The following ARID1B variants were observed in gnomAD, a reference collection of about 807,000 sequenced individuals.
ARID1B encodes AT-rich interaction domain 1B.
ARID1B carries 30 observed loss-of-function variants against 212.3 expected under a neutral mutation model. The ratio of observed to expected loss-of-function variants is 0.14; its 90% confidence interval spans 0.11 to 0.19. The LOEUF is 0.19. Among genes scored for constraint, ARID1B ranks in the 10% least tolerant of loss-of-function variants. The pLI is 1.00. For synonymous variants in ARID1B, 1,402 were observed against 1,301.7 expected, an observed-to-expected ratio of 1.08 and a Z score of -1.66; for missense variants, 2,891 against 3,204.0, an observed-to-expected ratio of 0.90 and a Z score of 2.36.
At chr6:157,090,496 A>T (rs549295924) in intron 5 of ARID1B, among the ~76,000 whole-genome samples, 1 of 152,308 alleles carries the variant, frequency 6.6e-6, no homozygotes, top group African/African-American at 2.4e-5. Flanking sequence ...TTAGGGTCAA[A>T]AACACAAAAT....
At position 157,190,236 on chromosome 6, in the gene ARID1B, G is replaced by C. The variant is rs777668443; in HGVS notation, c.4231+26G>C. The stretch of plus-strand genomic sequence containing the variant: ...GTACGTGTAGAGGGGCCTCCACCCG[G>C]CCATGGACCAGTGGGCATTCTACTC... On this transcript the variant is annotated intron_variant, in intron 15 of 19. Transcript: ENST00000636930. The surrounding 1 kb of genome is among the most constrained non-coding windows in gnomAD (Gnocchi z 4.6). The C allele has an allele frequency of 1.9e-6, 3 of 1,589,030 alleles. No homozygotes were observed. The highest frequency in any genetic ancestry group is 2.6e-6 in the Non-Finnish European group (3 of 1,171,456).
At chr6:156,806,345 A>G (rs1485480463) in intron 1 of ARID1B, among the ~76,000 whole-genome samples, 1 of 152,226 alleles carries the variant, frequency 6.6e-6, no homozygotes, top group Non-Finnish European at 1.5e-5. Context: ...GAGTTGAAGA[A>G]CAGGTTCTAC....
rs989172441 is a variant in ARID1B, at chr6:156,869,250, T to C, written c.1987-32126T>C. On this transcript the variant is annotated intron_variant, in intron 2 of 19. Coordinates refer to ENST00000636930, the MANE Select transcript of ARID1B (RefSeq NM_001374828.1). ...TAGCTGTTTTTTCTAATGACACTTC[T>C]TTCGAAGACGAGATTAACAAATTTT... is the stretch of plus-strand genomic sequence containing the variant. Among the ~76,000 whole-genome samples the C allele has an allele frequency of 2.0e-5, 3 of 152,254 alleles. No homozygotes were observed. In the East Asian group the frequency reaches 5.8e-4, roughly 29 times the overall value.
intron 6 of ARID1B, among the ~76,000 whole-genome samples, chr6:157,126,529 C>T (rs1438795964): frequency 6.6e-6 from 1 of 152,146 alleles, no homozygotes; most frequent in African/African-American, 2.4e-5. Flanking sequence ...AGTTCGGTGA[C>T]TGTATGAGCA....
chr6:157,081,885 A>G (rs1784649559), intron 4 of ARID1B, among the ~76,000 whole-genome samples: 1 of 152,210 alleles, frequency 6.6e-6, no homozygotes, highest in Non-Finnish European at 1.5e-5. Flanking sequence ...TCTACGTTTA[A>G]CTTCATATAT....
At chr6:157,009,169 G>C (rs1171671390) in intron 4 of ARID1B, among the ~76,000 whole-genome samples, 1 of 151,746 alleles carries the variant, frequency 6.6e-6, no homozygotes, top group Non-Finnish European at 1.5e-5. Context: ...AGTGCTCACA[G>C]TCATTTGTAG....
In ARID1B at chr6:156,777,998, G is replaced by A. The variant is rs533182720; in HGVS notation, c.318G>A (p.Ala106=). 628 of 1,531,480 alleles carry A rather than the reference G, an allele frequency of 4.1e-4. 2 individuals are homozygous for A. In the African/African-American group the frequency reaches 7.1e-3, roughly 17 times the overall value. 94.9% of individuals were successfully genotyped at this position (1,531,480 alleles called of 1,614,324 possible). ...THSAKSGGSE[A]ALKEGGSAAA... is the part of the protein sequence containing the mutation. Reference sequence around the variant, plus strand: ...GCGCCAAGAGCGGCGGCTCCGAGGCGGCTCTCAAGGAGGGTGGAAGCGCCG... The same window carrying A: ...GCGCCAAGAGCGGCGGCTCCGAGGCAGCTCTCAAGGAGGGTGGAAGCGCCG... Residue 106 remains alanine (A), a synonymous_variant, in exon 1 of 20, where the codon GCG becomes GCA. Transcript: ENST00000636930.
chr6:156,890,288 A>T (rs1355418405), intron 2 of ARID1B, among the ~76,000 whole-genome samples: 2 of 152,246 alleles, frequency 1.3e-5, no homozygotes, highest in African/African-American at 4.8e-5. Context: ...GCAATTAATA[A>T]TTGTAAAGAA....
chr6:156,976,875 A>T, intron 4 of ARID1B: 1 of 577,772 alleles, frequency 1.7e-6, no homozygotes, highest in Non-Finnish European at 3.3e-6. Flanking sequence ...TGTGAACCTC[A>T]CAGGCGGGCT....
intron 3 of ARID1B, among the ~76,000 whole-genome samples, chr6:156,903,274 G>T (rs535118758): frequency 7.4e-4 from 113 of 152,102 alleles, no homozygotes; most frequent in African/African-American, 2.7e-3. Flanking sequence ...TCTATCTTAT[G>T]CTTTGATTAT....
At chr6:156,969,348 A>G (rs763688376) in intron 4 of ARID1B, among the ~76,000 whole-genome samples, 1 of 152,174 alleles carries the variant, frequency 6.6e-6, no homozygotes, top group Non-Finnish European at 1.5e-5. Flanking sequence ...TTTCAGCCCC[A>G]GGATCGGTGG....
intron 8 of ARID1B, among the ~76,000 whole-genome samples, chr6:157,161,140 A>C (rs1240976835): frequency 2.0e-5 from 3 of 152,172 alleles, no homozygotes; most frequent in Non-Finnish European, 4.4e-5. Context: ...TGTCTCCCTG[A>C]GCAAAAGGGG....
chr6:157,018,234 T>G (rs1357518529), intron 4 of ARID1B, among the ~76,000 whole-genome samples: 3 of 145,968 alleles, frequency 2.1e-5, no homozygotes, highest in Admixed American at 6.8e-5. Flanking sequence ...TTTTTTTTTT[T>G]GAGATACAGT....
At chr6:156,906,387 A>T (rs578131448) in intron 3 of ARID1B, among the ~76,000 whole-genome samples, 97 of 151,730 alleles carry the variant, frequency 6.4e-4, no homozygotes, top group African/African-American at 2.2e-3. Context: ...GTCTCTACTA[A>T]AAATACAAAA....
intron 3 of ARID1B, among the ~76,000 whole-genome samples, chr6:156,920,570 G>A (rs1790700553): frequency 6.6e-6 from 1 of 152,072 alleles, no homozygotes; most frequent in Non-Finnish European, 1.5e-5. Context: ...GTATTCCAGA[G>A]GAAGATTATC....
intron 1 of ARID1B, among the ~76,000 whole-genome samples, chr6:156,806,263 A>G (rs1781148493): frequency 6.6e-6 from 1 of 152,236 alleles, no homozygotes; most frequent in South Asian, 2.1e-4. Flanking sequence ...AAATAAAAAA[A>G]GCAAAGGCTT....
Position 157,016,884 on chromosome 6 carries a change from G to A in ARID1B, c.2248-67778G>A, listed in dbSNP as rs933943451. 2.6e-5 allele frequency among the ~76,000 whole-genome samples: 4 copies of A among 152,220 alleles called. No individual in the cohort carries two copies. The South Asian group carries it at 6.2e-4, about 24-fold the overall frequency. On this transcript the variant is annotated intron_variant, in intron 4 of 19. Transcript: ENST00000636930. Reference sequence around the variant, plus strand: ...GGCCCATGGAAAACTTGGTTTCCTGGTAGGGCATTTTACTTGAAGTCATGC... The same window carrying A: ...GGCCCATGGAAAACTTGGTTTCCTGATAGGGCATTTTACTTGAAGTCATGC...
intron 1 of ARID1B, among the ~76,000 whole-genome samples, chr6:156,806,049 C>T (rs969279928): frequency 4.6e-5 from 7 of 152,046 alleles, no homozygotes; most frequent in Non-Finnish European, 7.3e-5. Context: ...TTCTAATTTC[C>T]GTATTGGCCA....
chr6:157,186,418 G>A (rs751281981), intron 13 of ARID1B: 11 of 470,950 alleles, frequency 2.3e-5, no homozygotes, highest in East Asian at 6.9e-5. Context: ...TCCTGGTCTC[G>A]TCCAGCCCCG....
Sources: allele counts gnomAD v4.1 joint callset (sites outside exome capture counted in the v4.1 genomes callset), GRCh38; gene constraint gnomAD v4.1.1; non-coding constraint Gnocchi (gnomAD v3.1); transcripts MANE v1.5; gene names NCBI Gene and HGNC (gene_info 2026-07-23, HGNC 2026-07-21).